The following ERI1 variants were observed in gnomAD, a reference collection of about 807,000 sequenced individuals.
ERI1 encodes the protein 3'-5' exoribonuclease 1.
Under a neutral mutation model 39.7 loss-of-function variants are expected in ERI1, and 39 were observed. That is an observed-to-expected ratio of 0.98 (90% CI 0.76 to 1.28). The LOEUF is 1.28. ERI1 is among the 50% of genes most tolerant of loss of function. ERI1 has a pLI of 0.00. For synonymous variants in ERI1, 204 were observed against 149.6 expected, an observed-to-expected ratio of 1.36 and a Z score of -2.65; for missense variants, 581 against 416.9, an observed-to-expected ratio of 1.39 and a Z score of -3.43.
intron 3 of ERI1, among the ~76,000 whole-genome samples, chr8:9,052,465 C>CT (rs1329410990): frequency 6.6e-6 from 1 of 152,168 alleles, no homozygotes; most frequent in Non-Finnish European, 1.5e-5. Context: ...CACTGAGTCT[C>CT]TGGGATTCTG....
chr8:9,042,368 C>A (rs1350117903), intron 3 of ERI1, among the ~76,000 whole-genome samples: 1 of 152,172 alleles, frequency 6.6e-6, no homozygotes, highest in Non-Finnish European at 1.5e-5. Flanking sequence ...GATCCAATTT[C>A]TTGAGTATTT....
intron 3 of ERI1, among the ~76,000 whole-genome samples, chr8:9,042,244 C>T (rs1235500278): frequency 6.6e-6 from 1 of 152,156 alleles, no homozygotes; most frequent in East Asian, 1.9e-4. Context: ...ATGTTTTGTA[C>T]GCTGTGTCCT....
chr8:9,063,352 C>G (rs1585274159), intron 3 of ERI1, among the ~76,000 whole-genome samples: 1 of 152,038 alleles, frequency 6.6e-6, no homozygotes, highest in Non-Finnish European at 1.5e-5. Context: ...CTTGACTATG[C>G]CTTTAGCTCC....
intron 3 of ERI1, among the ~76,000 whole-genome samples, chr8:9,051,623 C>T (rs1405780416): frequency 1.3e-5 from 2 of 151,406 alleles, no homozygotes; most frequent in African/African-American, 2.4e-5. Flanking sequence ...TACCACTGCA[C>T]TCCAGGCTGG....
chr8:9,038,001 C>G (rs955464339), downstream of ERI1, among the ~76,000 whole-genome samples: 20 of 151,268 alleles, frequency 1.3e-4, no homozygotes, highest in African/African-American at 4.6e-4. Flanking sequence ...TGCACAAGTA[C>G]TCCCTAATAC....
chr8:9,073,250 A>G (rs1016425047), intron 3 of ERI1, among the ~76,000 whole-genome samples: 17 of 152,248 alleles, frequency 1.1e-4, no homozygotes, highest in African/African-American at 3.6e-4. Context: ...CTTAACCACC[A>G]CATAGTAGCA....
intron 3 of ERI1, among the ~76,000 whole-genome samples, chr8:9,014,204 C>T (rs1816988275): frequency 6.6e-6 from 1 of 152,142 alleles, no homozygotes; most frequent in South Asian, 2.1e-4. Context: ...CTTGCTCATT[C>T]TCAAAAATGC....
chr8:9,038,142 A>G (rs530090213), downstream of ERI1, among the ~76,000 whole-genome samples: 1 of 152,352 alleles, frequency 6.6e-6, no homozygotes, highest in South Asian at 2.1e-4. Flanking sequence ...TCTCCATACC[A>G]TAGAAATTTA....
At chr8:9,024,121 C>G (rs943294768) in intron 6 of ERI1, among the ~76,000 whole-genome samples, 7 of 152,116 alleles carry the variant, frequency 4.6e-5, no homozygotes, top group African/African-American at 1.7e-4. Context: ...TCTATCCAGT[C>G]TTTCTTGGGG....
chr8:9,010,314 C>G (rs1299989604), intron 2 of ERI1, among the ~76,000 whole-genome samples: 1 of 152,104 alleles, frequency 6.6e-6, no homozygotes, highest in Non-Finnish European at 1.5e-5. Flanking sequence ...ACAACAATAA[C>G]AACCAATAAA....
At chr8:9,039,685 AAAATT>A (rs1797957342) in intron 3 of ERI1, among the ~76,000 whole-genome samples, 1 of 152,156 alleles carries the variant, frequency 6.6e-6, no homozygotes, top group African/African-American at 2.4e-5. Flanking sequence ...AGAATCAAAT[AAAATT>A]CTTTAGTGTT....
At chr8:9,089,027 G>C (rs1799621889) in intron 3 of ERI1, among the ~76,000 whole-genome samples, 1 of 152,214 alleles carries the variant, frequency 6.6e-6, no homozygotes, top group South Asian at 2.1e-4. Flanking sequence ...ACTTAGGGTA[G>C]AACTGTGGCT....
At position 9,031,511 on chromosome 8, in the gene ERI1, G is replaced by T. The variant is rs1797587500; in HGVS notation, c.*1477G>T. On this transcript the variant is annotated 3_prime_UTR_variant, in exon 7 of 7. Coordinates refer to ENST00000250263, the MANE Select transcript of ERI1 (RefSeq NM_153332.4). ...ATACAGTTAACTCTTAGGATAAGAG[G>T]GATGTATGCTGAGATGTTTGTGCAT... 6.6e-6 allele frequency: 1 copy of T among 152,120 alleles called. No homozygotes were observed. Among genetic ancestry groups the T allele is most frequent in the African/African-American group, 2.4e-5 (1 of 41,408 alleles). The allele number at this position is 152,120 out of a possible 1,614,324, so 9.4% of individuals were successfully genotyped here.
At chr8:9,091,197 A>G (rs1384338349) in intron 3 of ERI1, 1 of 152,194 alleles carries the variant, frequency 6.6e-6, no homozygotes, top group African/African-American at 2.4e-5. Flanking sequence ...TAATCACCAC[A>G]TGCAAGAAAG....
In ERI1 at chr8:9,019,405, A is replaced by C. The variant is rs542565619; in HGVS notation, c.693-945A>C. 3.3e-5 allele frequency among the ~76,000 whole-genome samples: 5 copies of C among 152,336 alleles called. No individual in the cohort carries two copies. In the South Asian group the frequency reaches 1.0e-3, roughly 32 times the overall value. ...AAAAATGTTTATGGACCTCTTTAGA[A>C]ATCCATTACTGATTTTAAACATGAA... On this transcript the variant is annotated intron_variant, in intron 5 of 6. Coordinates refer to ENST00000250263, the MANE Select transcript of ERI1 (RefSeq NM_153332.4).
intron 3 of ERI1, among the ~76,000 whole-genome samples, chr8:9,085,665 C>G (rs2117462478): frequency 6.6e-6 from 1 of 151,786 alleles, no homozygotes; most frequent in African/African-American, 2.4e-5. Context: ...ACTATCTGGC[C>G]CTTAACAGAG....
At chr8:9,072,570 C>T (rs1208275231) in intron 3 of ERI1, 1 of 152,102 alleles carries the variant, frequency 6.6e-6, no homozygotes, top group African/African-American at 2.4e-5. Context: ...CCTTCCGTCG[C>T]CGCCTCTATC....
intron 3 of ERI1, among the ~76,000 whole-genome samples, chr8:9,063,395 G>C (rs969563623): frequency 2.0e-5 from 3 of 152,128 alleles, no homozygotes; most frequent in Non-Finnish European, 2.9e-5. Flanking sequence ...TGCTGGGCAG[G>C]TGGGGGAGGG....
chr8:9,048,706 G>A (rs115869138), intron 3 of ERI1, among the ~76,000 whole-genome samples: 2,857 of 152,288 alleles, frequency 0.019, 92 homozygotes, highest in African/African-American at 0.063. Context: ...GTGCAGTGGT[G>A]CAATCATAGT....
Sources: gnomAD v4.1 joint callset for allele counts (sites outside exome capture counted in the v4.1 genomes callset) on GRCh38, gnomAD v4.1.1 for gene constraint, MANE v1.5 for transcripts, NCBI Gene and HGNC (gene_info 2026-07-23, HGNC 2026-07-21) for gene names.